OCA2: variants seen among roughly 807,000 people sequenced by gnomAD.
OCA2 encodes the protein P protein.
Under a neutral mutation model 100.2 loss-of-function variants are expected in OCA2, and 77 were observed. The observed-to-expected ratio is 0.77, with a 90% CI of 0.64 to 0.93. OCA2 has a LOEUF of 0.93. Among genes scored for constraint, OCA2 ranks in the 40% least tolerant of loss-of-function variants. OCA2 has a pLI of 0.00. For synonymous variants in OCA2, 432 were observed against 439.2 expected, an observed-to-expected ratio of 0.98 and a Z score of 0.21; for missense variants, 1,062 against 1,089.1, an observed-to-expected ratio of 0.98 and a Z score of 0.35.
chr15:27,993,237 G>A (rs574193788), intron 9 of OCA2, among the ~76,000 whole-genome samples: 85 of 152,252 alleles, frequency 5.6e-4, no homozygotes, highest in African/African-American at 2.0e-3. Context: ...ACCCGGCCCT[G>A]GATTAAGTGC....
At chr15:27,997,794 T>G (rs2041799215) in intron 9 of OCA2, among the ~76,000 whole-genome samples, 1 of 132,024 alleles carries the variant, frequency 7.6e-6, no homozygotes, top group African/African-American at 2.5e-5. Context: ...ACGATATTGA[T>G]TCTTCCTACC....
intron 2 of OCA2, among the ~76,000 whole-genome samples, chr15:28,080,725 C>T (rs2044594453): frequency 6.6e-6 from 1 of 152,180 alleles, no homozygotes; most frequent in South Asian, 2.1e-4. Context: ...GAACGAGGAT[C>T]CTCAGATCTG....
chr15:28,039,925 G>A (rs1204779743), intron 2 of OCA2, among the ~76,000 whole-genome samples: 15 of 152,082 alleles, frequency 9.9e-5, no homozygotes, highest in South Asian at 2.1e-4. Flanking sequence ...CCAGCTACTC[G>A]GGAGGCTGAG....
intron 22 of OCA2, among the ~76,000 whole-genome samples, chr15:27,845,294 G>C (rs2035490168): frequency 6.6e-6 from 1 of 152,184 alleles, no homozygotes; most frequent in African/African-American, 2.4e-5. Flanking sequence ...ATTTAACAGA[G>C]TGGAGGAAAG....
chr15:27,973,171 G>T (rs1393924780), intron 14 of OCA2, among the ~76,000 whole-genome samples: 1 of 152,038 alleles, frequency 6.6e-6, no homozygotes, highest in African/African-American at 2.4e-5. Context: ...TGCCCAGTCT[G>T]CATTAGCTTT....
At chr15:28,070,776 AAAG>A (rs1428649340) in intron 2 of OCA2, among the ~76,000 whole-genome samples, 1 of 147,334 alleles carries the variant, frequency 6.8e-6, no homozygotes, top group Non-Finnish European at 1.5e-5. Context: ...GTCTGTGTAG[AAAG>A]AAGTAGACAT....
intron 9 of OCA2, among the ~76,000 whole-genome samples, chr15:28,008,825 C>T (rs2042157914): frequency 6.6e-6 from 1 of 152,252 alleles, no homozygotes; most frequent in Non-Finnish European, 1.5e-5. Context: ...TGGGGAGCAG[C>T]TGGCAGCAGC....
chr15:28,014,658 T>A, intron 9 of OCA2, 118 bp downstream of exon 9: 1 of 1,096,738 alleles, frequency 9.1e-7, no homozygotes, highest in Non-Finnish European at 1.3e-6. Context: ...TTAGGAATGA[T>A]GACACTAGTC....
intron 18 of OCA2, among the ~76,000 whole-genome samples, chr15:27,934,630 C>T (rs1418557216): frequency 6.6e-6 from 1 of 152,154 alleles, no homozygotes; most frequent in Non-Finnish European, 1.5e-5. Flanking sequence ...AGTTCTTTTC[C>T]ATGATTCTGA....
intron 19 of OCA2, among the ~76,000 whole-genome samples, chr15:27,890,258 A>G (rs956208496): frequency 1.3e-5 from 2 of 150,754 alleles, no homozygotes; most frequent in Admixed American, 6.6e-5. Context: ...TAGAAGGATA[A>G]AAGAATTAGA....
intron 19 of OCA2, among the ~76,000 whole-genome samples, chr15:27,883,394 G>A (rs77935779): frequency 0.016 from 2,371 of 152,176 alleles, 56 homozygotes; most frequent in African/African-American, 0.05. Context: ...AGGTTTACAC[G>A]CCCTTAGCAG....
chr15:27,942,373 G>A (rs80307908), intron 18 of OCA2, among the ~76,000 whole-genome samples: 10,485 of 151,914 alleles, frequency 0.069, 441 homozygotes, highest in South Asian at 0.13. Context: ...CCTTGAAAAT[G>A]TTATGCTAAG....
intron 23 of OCA2, among the ~76,000 whole-genome samples, chr15:27,797,038 T>G (rs1040580099): frequency 4.6e-5 from 7 of 152,150 alleles, no homozygotes; most frequent in Non-Finnish European, 2.9e-5. Context: ...GAGCATTTCC[T>G]GGAGTCACAG....
chr15:28,011,335 T>C (rs1036844537), intron 9 of OCA2, among the ~76,000 whole-genome samples: 2 of 152,040 alleles, frequency 1.3e-5, no homozygotes, highest in African/African-American at 4.8e-5. Flanking sequence ...AAGTATGGTA[T>C]TGCATGCCTG....
At chr15:28,037,677 A>C (rs2043083358) in intron 2 of OCA2, among the ~76,000 whole-genome samples, 1 of 152,098 alleles carries the variant, frequency 6.6e-6, no homozygotes, top group African/African-American at 2.4e-5. Context: ...CACCTTTTTT[A>C]TCTCATTTAA....
At chr15:27,813,450 C>T (rs2034160204) in intron 23 of OCA2, among the ~76,000 whole-genome samples, 1 of 152,112 alleles carries the variant, frequency 6.6e-6, no homozygotes, top group African/African-American at 2.4e-5. Flanking sequence ...ACACTCACAG[C>T]CTATGAGGGA....
chr15:27,754,123 G>A (rs573001271), downstream of OCA2, among the ~76,000 whole-genome samples: 26 of 152,272 alleles, frequency 1.7e-4, no homozygotes, highest in South Asian at 4.4e-3. Flanking sequence ...GTGTCTCAAG[G>A]CTTCTGTGTG....
chr15:28,061,412 C>G (rs954304488), intron 2 of OCA2, among the ~76,000 whole-genome samples: 1 of 152,074 alleles, frequency 6.6e-6, no homozygotes, highest in Non-Finnish European at 1.5e-5. Flanking sequence ...CAAACAGGAA[C>G]AGCAAAAAGC....
intron 15 of OCA2, among the ~76,000 whole-genome samples, chr15:27,963,420 A>T (rs2040468048): frequency 6.6e-6 from 1 of 152,180 alleles, no homozygotes; most frequent in Non-Finnish European, 1.5e-5. Context: ...AAAGGATTCA[A>T]GATTTATGAA....
Sources: gnomAD v4.1 joint callset for allele counts (sites outside exome capture counted in the v4.1 genomes callset) on GRCh38, gnomAD v4.1.1 for gene constraint, MANE v1.5 for transcripts, NCBI Gene and HGNC (gene_info 2026-07-23, HGNC 2026-07-21) for gene names.